The following GABRA3 variants were observed in gnomAD, a reference collection of about 807,000 sequenced individuals.
GABRA3 encodes gamma-aminobutyric acid receptor subunit alpha-3.
A neutral mutation model predicts 30.1 loss-of-function variants in GABRA3; 10 were observed. That is an observed-to-expected ratio of 0.33 (90% CI 0.20 to 0.56). The LOEUF (loss-of-function observed/expected upper bound fraction) is 0.56, where lower values mean the gene tolerates loss of function less well. Among genes scored for constraint, GABRA3 ranks in the 20% least tolerant of loss-of-function variants. The pLI, the probability that GABRA3 is intolerant of heterozygous loss-of-function variation, is 0.89. For synonymous variants in GABRA3, 151 were observed against 146.8 expected (o/e 1.03, Z -0.21); for missense variants, 233 against 392.0 (o/e 0.59, Z 3.42).
At chrX:152,240,757 A>G (rs1235860669) in intron 5 of GABRA3, among the ~76,000 whole-genome samples, 2 of 100,881 alleles carry the variant, frequency 2.0e-5, no homozygotes, top group African/African-American at 4.0e-5. Flanking sequence ...ATCTTCCATT[A>G]CTGATACCCT....
chrX:152,416,796 TG>T (rs1476567309), intron 1 of GABRA3, among the ~76,000 whole-genome samples: 3 of 109,540 alleles, frequency 2.7e-5, no homozygotes, highest in African/African-American at 3.3e-5. Context: ...GTTTAATAAA[TG>T]GTGCTGGGAA....
intron 3 of GABRA3, among the ~76,000 whole-genome samples, chrX:152,296,477 G>A (rs948399964): frequency 6.3e-5 from 7 of 111,561 alleles, no homozygotes; most frequent in South Asian, 3.7e-4. Flanking sequence ...GGTTGCTTAC[G>A]GAAGCAGAAA....
At chrX:152,186,971 G>A (rs1172360146) in intron 9 of GABRA3, 1 of 111,115 alleles carries the variant, frequency 9.0e-6, no homozygotes, top group Non-Finnish European at 1.9e-5. Context: ...ACATTTTCTG[G>A]TCCACTAGTC....
chrX:152,424,928 C>CTTTTTTTTTTTT (rs747255822), intron 1 of GABRA3, among the ~76,000 whole-genome samples: 16 of 42,330 alleles, frequency 3.8e-4, no homozygotes, highest in Non-Finnish European at 5.0e-4. Flanking sequence ...TTTTTCTTTT[C>CTTTTTTTTTTTT]TTTTTTTTTT....
At chrX:152,289,889 T>G (rs1476783949) in intron 3 of GABRA3, among the ~76,000 whole-genome samples, 3 of 112,092 alleles carry the variant, frequency 2.7e-5, no homozygotes, top group Admixed American at 9.5e-5. Context: ...GGTGTATATA[T>G]GCCATATTTT....
chrX:152,241,864 C>T (rs896637833), intron 5 of GABRA3, among the ~76,000 whole-genome samples: 4 of 111,876 alleles, frequency 3.6e-5, no homozygotes, highest in Non-Finnish European at 7.5e-5. Flanking sequence ...TGCTTGGGCT[C>T]GCACACGGTG....
chrX:152,418,183 C>T, intron 1 of GABRA3, among the ~76,000 whole-genome samples: 1 of 110,980 alleles, frequency 9.0e-6, no homozygotes, highest in African/African-American at 3.3e-5. Flanking sequence ...AATTAACAAA[C>T]TTAACCTAAA....
At chrX:152,443,022 T>C (rs889349494) in intron 1 of GABRA3, among the ~76,000 whole-genome samples, 6 of 111,931 alleles carry the variant, frequency 5.4e-5, no homozygotes. Context: ...AAGATTACTA[T>C]GCATAAAAGT....
chrX:152,186,074 C>T (rs1452500111), intron 9 of GABRA3, among the ~76,000 whole-genome samples: 4 of 111,614 alleles, frequency 3.6e-5, no homozygotes, highest in Admixed American at 1.9e-4. Flanking sequence ...GTCTTCTACC[C>T]TATATGTCTT....
intron 7 of GABRA3, among the ~76,000 whole-genome samples, chrX:152,203,668 G>A (rs1399453202): frequency 1.8e-5 from 2 of 111,349 alleles, no homozygotes; most frequent in Non-Finnish European, 3.8e-5. Flanking sequence ...AGGTTTTCTC[G>A]CCTTTTTGGC....
At chrX:152,194,151 A>G (rs1382858156) in intron 8 of GABRA3, among the ~76,000 whole-genome samples, 1 of 112,229 alleles carries the variant, frequency 8.9e-6, no homozygotes, top group African/African-American at 3.2e-5. Context: ...TTGTTTAACC[A>G]ATAAGCCACT....
chrX:152,396,460 G>T (rs750689221), intron 1 of GABRA3, among the ~76,000 whole-genome samples: 2 of 111,732 alleles, frequency 1.8e-5, no homozygotes, highest in Non-Finnish European at 3.8e-5. Context: ...TGACTGCATG[G>T]TGTATAAATA....
At chrX:152,208,943 C>T (rs769227096) in intron 6 of GABRA3, among the ~76,000 whole-genome samples, 15 of 111,595 alleles carry the variant, frequency 1.3e-4, no homozygotes, top group Non-Finnish European at 2.6e-4. Flanking sequence ...CAGACTAACA[C>T]AGAGGTACCT....
At chrX:152,235,985 A>AT (rs796722671) in intron 5 of GABRA3, among the ~76,000 whole-genome samples, 10 of 87,234 alleles carry the variant, frequency 1.1e-4, no homozygotes, top group Middle Eastern at 6.1e-3. Flanking sequence ...GGGTATCTTT[A>AT]TTTTTTTTTT....
intron 1 of GABRA3, among the ~76,000 whole-genome samples, chrX:152,383,388 CAAAAAAA>C (rs34736587): frequency 3.1e-4 from 11 of 35,452 alleles, no homozygotes; most frequent in African/African-American, 1.2e-3. Flanking sequence ...GACTCCATCT[CAAAAAAA>C]AAAAAAAAAA....
At chrX:152,275,078 T>C (rs1412276352) in intron 4 of GABRA3, among the ~76,000 whole-genome samples, 1 of 89,780 alleles carries the variant, frequency 1.1e-5, no homozygotes, top group Non-Finnish European at 2.1e-5. Context: ...TATATTCATA[T>C]ATATAATAAA....
chrX:152,217,429 G>A (rs972609205), intron 6 of GABRA3, among the ~76,000 whole-genome samples: 5 of 111,266 alleles, frequency 4.5e-5, no homozygotes, highest in Admixed American at 2.9e-4. Context: ...GTATTTTTTA[G>A]TTACCTTTGG....
chrX:152,326,011 GA>G (rs1201908559), intron 3 of GABRA3, among the ~76,000 whole-genome samples: 115 of 111,204 alleles, frequency 1.0e-3, no homozygotes, highest in African/African-American at 3.6e-3. Context: ...GACCTTTAAT[GA>G]CCTGACGGAG....
intron 4 of GABRA3, among the ~76,000 whole-genome samples, chrX:152,265,673 A>T (rs1335665906): frequency 2.7e-5 from 3 of 111,896 alleles, no homozygotes; most frequent in African/African-American, 9.7e-5. Context: ...ATGAAACTTT[A>T]ATAAATAAAA....
Sources: gnomAD v4.1 joint callset for allele counts (sites outside exome capture counted in the v4.1 genomes callset) on GRCh38, gnomAD v4.1.1 for gene constraint, MANE v1.5 for transcripts, NCBI Gene and HGNC (gene_info 2026-07-23, HGNC 2026-07-21) for gene names.